INTS9: variants seen among roughly 807,000 people sequenced by gnomAD.
The protein encoded by INTS9 is protein related to CPSF subunits of 74 kDa.
A neutral mutation model predicts 79.7 loss-of-function variants in INTS9; 55 were observed. The ratio of observed to expected loss-of-function variants is 0.69; its 90% CI spans 0.56 to 0.86. The LOEUF (loss-of-function observed/expected upper bound fraction) is 0.86. Among genes scored for constraint, INTS9 ranks in the 40% least tolerant of loss-of-function variants. The pLI, the probability that INTS9 is intolerant of heterozygous loss-of-function variation, is 0.00. For synonymous variants in INTS9, 319 were observed against 325.2 expected (o/e 0.98, Z 0.20); for missense variants, 721 against 831.5 (o/e 0.87, Z 1.64).
Position 28,787,719 on chromosome 8 carries a change from G to A in INTS9, c.1098+110C>T, listed in dbSNP as rs1803694491. On this transcript the variant is annotated intron_variant, in intron 11 of 16. Transcript: ENST00000521022. ...TGTGTCTGACTTGGGAGGCAAAGGGGTCTACAGGTTTACACAGCAATCTAT... is the reference window on the plus strand; with the variant it reads ...TGTGTCTGACTTGGGAGGCAAAGGGATCTACAGGTTTACACAGCAATCTAT... 7.7e-6 allele frequency: 5 copies of A among 650,688 alleles called. No homozygotes were observed. In the East Asian group the frequency reaches 1.1e-4, roughly 14 times the overall value. 40.3% of individuals were successfully genotyped at this position (650,688 alleles called of 1,614,324 possible).
intron 6 of INTS9, among the ~76,000 whole-genome samples, chr8:28,834,508 C>A (rs1806685300): frequency 6.6e-6 from 1 of 152,130 alleles, no homozygotes; most frequent in Admixed American, 6.5e-5. Context: ...ATACTATGTC[C>A]CATGACGCCA....
intron 1 of INTS9, among the ~76,000 whole-genome samples, chr8:28,882,634 G>A (rs1809956957): frequency 6.7e-6 from 1 of 149,250 alleles, no homozygotes. Flanking sequence ...GATTATGCAA[G>A]ACATCTTATT....
chr8:28,861,705 C>T (rs539497128), intron 1 of INTS9, among the ~76,000 whole-genome samples: 36 of 152,176 alleles, frequency 2.4e-4, no homozygotes, highest in Non-Finnish European at 4.6e-4. Flanking sequence ...ATAAGGTACA[C>T]CAGAAAACAG....
chr8:28,830,671 A>T (rs1198859492), intron 6 of INTS9, among the ~76,000 whole-genome samples: 1 of 150,968 alleles, frequency 6.6e-6, no homozygotes, highest in Non-Finnish European at 1.5e-5. Flanking sequence ...TTCTTCTACC[A>T]CTTCTAGTAT....
At position 28,813,499 on chromosome 8, in the gene INTS9, T is replaced by G; in HGVS notation, c.602A>C (p.Gln201Pro). ...LSKIQLVGYS[Q>P]KIELFGAVQV... Reference sequence around the variant, plus strand: ...TGTAATATGAATACTCACAATTTTCTGAGAATATCCCACCAGCTGGATTTT... The same window carrying G: ...TGTAATATGAATACTCACAATTTTCGGAGAATATCCCACCAGCTGGATTTT... The change falls in exon 7 of 17, where the codon CAG becomes CCG. Residue 201 changes from glutamine (Q) to proline (P), a missense_variant. Around this residue, in one of 3 missense-constraint regions of INTS9, gnomAD observed 291 missense variants for 307.0 expected, o/e 0.95. Transcript: ENST00000521022. The G allele has an allele frequency of 6.2e-7, 1 of 1,613,152 alleles. No individual in the cohort carries two copies. The highest frequency in any genetic ancestry group is 2.2e-5 in the East Asian group (1 of 44,868).
At chr8:28,779,362 A>G (rs1052286935) in intron 12 of INTS9, among the ~76,000 whole-genome samples, 2 of 152,198 alleles carry the variant, frequency 1.3e-5, no homozygotes, top group Non-Finnish European at 2.9e-5. Flanking sequence ...GGTATCAGCA[A>G]GAGCCGGCCT....
chr8:28,849,687 A>T (rs1807719928), intron 3 of INTS9, among the ~76,000 whole-genome samples: 1 of 152,100 alleles, frequency 6.6e-6, no homozygotes, highest in Non-Finnish European at 1.5e-5. Flanking sequence ...GGCCAGAGTG[A>T]TCCGATCTGA....
intron 10 of INTS9, among the ~76,000 whole-genome samples, chr8:28,793,048 G>C (rs1461006265): frequency 6.6e-6 from 1 of 152,162 alleles, no homozygotes; most frequent in Admixed American, 6.5e-5. Context: ...AGGGTTGGGG[G>C]CAGCGTAACT....
At chr8:28,814,940 C>T (rs1449902577) in intron 6 of INTS9, among the ~76,000 whole-genome samples, 1 of 152,200 alleles carries the variant, frequency 6.6e-6, no homozygotes, top group African/African-American at 2.4e-5. Context: ...TGAACAAGTC[C>T]TACCCATGGC....
At chr8:28,816,975 T>C (rs1331468187) in intron 6 of INTS9, among the ~76,000 whole-genome samples, 1 of 149,844 alleles carries the variant, frequency 6.7e-6, no homozygotes, top group Non-Finnish European at 1.5e-5. Flanking sequence ...TCTGTTCATG[T>C]CCTTTGCCCA....
chr8:28,822,283 C>T (rs1399755661), intron 6 of INTS9, among the ~76,000 whole-genome samples: 1 of 150,452 alleles, frequency 6.6e-6, no homozygotes, highest in Non-Finnish European at 1.5e-5. Flanking sequence ...AGAAAGAACA[C>T]AGAAAATGGG....
intron 6 of INTS9, among the ~76,000 whole-genome samples, chr8:28,832,897 G>C (rs1174469008): frequency 1.3e-5 from 2 of 151,940 alleles, no homozygotes; most frequent in Non-Finnish European, 2.9e-5. Context: ...TGGGAGGCAG[G>C]GGTTGCAGTG....
chr8:28,796,807 C>A (rs1343827791), intron 8 of INTS9, 152 bp from the exon 9 acceptor site: 2 of 592,922 alleles, frequency 3.4e-6, no homozygotes, highest in Non-Finnish European at 6.1e-6. Context: ...TGTCCTTAAC[C>A]ACTGGCTGCC....
At chr8:28,884,385 A>G (rs1420499793) in intron 1 of INTS9, among the ~76,000 whole-genome samples, 1 of 151,740 alleles carries the variant, frequency 6.6e-6, no homozygotes, top group African/African-American at 2.4e-5. Context: ...GGGTCTCACT[A>G]TGTTGCCCAG....
At chr8:28,876,064 T>A (rs1233373122) in intron 1 of INTS9, among the ~76,000 whole-genome samples, 1 of 151,746 alleles carries the variant, frequency 6.6e-6, no homozygotes, top group African/African-American at 2.4e-5. Flanking sequence ...TCTATGGAGA[T>A]TTTTTTTTGG....
chr8:28,852,443 A>T (rs1425596842), intron 2 of INTS9, among the ~76,000 whole-genome samples: 1 of 152,178 alleles, frequency 6.6e-6, no homozygotes, highest in Non-Finnish European at 1.5e-5. Flanking sequence ...TATTTTGAAG[A>T]CTTCTCACTT....
intron 11 of INTS9, among the ~76,000 whole-genome samples, chr8:28,782,823 G>C (rs1217700899): frequency 6.6e-6 from 1 of 152,132 alleles, no homozygotes; most frequent in Non-Finnish European, 1.5e-5. Flanking sequence ...ATCTATGATT[G>C]CAACGCTGTA....
At chr8:28,773,976 C>T (rs757547412) in intron 14 of INTS9, among the ~76,000 whole-genome samples, 6 of 152,130 alleles carry the variant, frequency 3.9e-5, no homozygotes, top group Non-Finnish European at 8.8e-5. Context: ...CGTGACACCA[C>T]GCCCAGCTAA....
At chr8:28,886,648 T>C (rs896991531) in intron 1 of INTS9, among the ~76,000 whole-genome samples, 8 of 152,178 alleles carry the variant, frequency 5.3e-5, no homozygotes, top group African/African-American at 1.4e-4. Context: ...TTTTAAGAGA[T>C]AACCTAGGCA....
Sources: allele counts gnomAD v4.1 joint callset (sites outside exome capture counted in the v4.1 genomes callset), GRCh38; gene constraint gnomAD v4.1.1; regional missense constraint gnomAD v4.1.1; transcripts MANE v1.5; gene names NCBI Gene and HGNC (gene_info 2026-07-23, HGNC 2026-07-21).